Variants in MAEL observed in about 807,000 individuals in gnomAD.
MAEL encodes protein maelstrom homolog.
MAEL carries 46 observed loss-of-function variants against 62.0 expected under a neutral mutation model. That is an observed-to-expected ratio of 0.74 (90% CI 0.59 to 0.95). The LOEUF (loss-of-function observed/expected upper bound fraction) is 0.95, where lower values mean the gene tolerates loss of function less well. Ranked by LOEUF, MAEL falls within the 40% of genes least tolerant of loss-of-function variation. The probability of loss-of-function intolerance (pLI) is 0.00; values close to 1 mark genes in which losing one functional copy is unlikely to be tolerated. For missense variants in MAEL, 497 were observed against 526.8 expected, an observed-to-expected ratio of 0.94 and a Z score of 0.55; for synonymous variants, 172 against 175.5, an observed-to-expected ratio of 0.98 and a Z score of 0.16.
intron 9 of MAEL, 102 bp from the exon 10 acceptor site, chr1:167,017,725 C>T: frequency 1.9e-6 from 2 of 1,077,054 alleles, no homozygotes; most frequent in Admixed American, 2.6e-5. Flanking sequence ...CAGTTTATAA[C>T]AGTACCTCAG....
upstream of MAEL, among the ~76,000 whole-genome samples, chr1:166,988,348 TAAAAA>T (rs71073633): frequency 4.0e-4 from 37 of 93,072 alleles, no homozygotes; most frequent in African/African-American, 1.1e-3. Context: ...AGACCCTGTC[TAAAAA>T]AAAAAAAAAA....
chr1:166,992,880 T>C, intron 4 of MAEL, 39 bp downstream of exon 4: 1 of 1,496,582 alleles, frequency 6.7e-7, no homozygotes. Flanking sequence ...TAAACGTGTA[T>C]GGTTTTTTTT....
intron 8 of MAEL, among the ~76,000 whole-genome samples, chr1:167,006,968 G>A (rs1213368051): frequency 1.3e-5 from 2 of 151,842 alleles, no homozygotes; most frequent in African/African-American, 2.4e-5. Context: ...ATTTTGTGGG[G>A]AAATACTTTC....
At chr1:166,989,158 G>A (rs995103778), upstream of MAEL, 2 of 754,892 alleles carry the variant, frequency 2.6e-6, no homozygotes, top group African/African-American at 3.5e-5. Context: ...CACCCGCAAG[G>A]CGGCACGAGC....
Position 167,007,131 on chromosome 1 carries a change from TA to T in MAEL, c.845+1747del, listed in dbSNP as rs554696348. On this transcript the variant is annotated intron_variant, in intron 8 of 11. Transcript: ENST00000367872. ...GCATTTATTGGTTGGCATTCCACTGTAAAAAAAAAAAAAGTTTCTCCTTTTT... is the reference window on the plus strand; with the variant it reads ...GCATTTATTGGTTGGCATTCCACTGTAAAAAAAAAAAAGTTTCTCCTTTTT... Among the ~76,000 whole-genome samples, 578 of 143,486 alleles carry T rather than the reference TA, an allele frequency of 4.0e-3. 2 individuals are homozygous for T. The highest frequency in any genetic ancestry group is 9.6e-3 in the African/African-American group (378 of 39,366). The allele number at this position is 143,486 out of a possible 152,430, so 94.1% of individuals were successfully genotyped here.
In MAEL at chr1:166,989,725, A is replaced by G; in HGVS notation, c.133-12A>G. 6.2e-7 allele frequency: 1 copy of G among 1,612,078 alleles called. No individual in the cohort carries two copies. The highest frequency in any genetic ancestry group is 1.1e-5 in the South Asian group (1 of 90,566). On this transcript the variant is annotated splice_polypyrimidine_tract_variant and intron_variant, in intron 1 of 11. Coordinates refer to ENST00000367872, the MANE Select transcript of MAEL (RefSeq NM_032858.3). Reference sequence around the variant, plus strand: ...GGCTGTTTCTCTTCTTTGCTCCTTCAATCCCCAAAAGCTTCTGAGGGAGGA... The same window carrying G: ...GGCTGTTTCTCTTCTTTGCTCCTTCGATCCCCAAAAGCTTCTGAGGGAGGA...
chr1:167,007,405 G>A (rs1181047042), intron 8 of MAEL, among the ~76,000 whole-genome samples: 1 of 152,016 alleles, frequency 6.6e-6, no homozygotes. Context: ...CTTTGTTCCA[G>A]CCCTGGATTA....
upstream of MAEL, among the ~76,000 whole-genome samples, chr1:166,985,728 A>G (rs1245998032): frequency 6.6e-6 from 1 of 152,232 alleles, no homozygotes; most frequent in Non-Finnish European, 1.5e-5. Flanking sequence ...AGAAATATGC[A>G]GCATTAAACA....
At chr1:167,013,916 T>TG in intron 8 of MAEL, among the ~76,000 whole-genome samples, 2 of 152,260 alleles carry the variant, frequency 1.3e-5, no homozygotes, top group Middle Eastern at 3.4e-3. Flanking sequence ...CTTTTTTTCA[T>TG]GGGGGTTCTG....
At chr1:167,015,399 C>T (rs1312697232) in intron 8 of MAEL, among the ~76,000 whole-genome samples, 1 of 152,046 alleles carries the variant, frequency 6.6e-6, no homozygotes, top group African/African-American at 2.4e-5. Context: ...TAACTTTCAT[C>T]CAGTGCAAAT....
At chr1:167,007,557 TTGTG>T (rs71073634) in intron 8 of MAEL, among the ~76,000 whole-genome samples, 4,759 of 128,272 alleles carry the variant, frequency 0.037, 119 homozygotes, top group East Asian at 0.14. Flanking sequence ...AAATATATGT[TTGTG>T]TGTGTGTGTG....
chr1:167,017,833 C>A lies in MAEL; in HGVS notation c.915C>A (p.Cys305Ter). 6.2e-7 allele frequency: 1 copy of A among 1,610,200 alleles called. No homozygotes were observed. Among genetic ancestry groups the A allele is most frequent in the Non-Finnish European group, 8.5e-7 (1 of 1,177,736 alleles). ...ALAVCKKIAY[C>*]ISNSLATLFG... is the part of the protein sequence containing the mutation. Reference sequence around the variant, plus strand: ...ATTTTTATTTCTTTTAAAGGTACTGCATCAGTAATTCTCTGGCCACTCTCT... The same window carrying A: ...ATTTTTATTTCTTTTAAAGGTACTGAATCAGTAATTCTCTGGCCACTCTCT... The change falls in exon 10 of 12, where the codon TGC becomes TGA. Residue 305 changes from cysteine to a stop codon, truncating the protein, a stop_gained. Coordinates refer to ENST00000367872, the MANE Select transcript of MAEL (RefSeq NM_032858.3). LOFTEE classifies it high-confidence loss of function.
intron 8 of MAEL, among the ~76,000 whole-genome samples, chr1:167,010,605 G>A (rs976888807): frequency 5.9e-5 from 9 of 151,932 alleles, no homozygotes; most frequent in East Asian, 1.9e-4. Flanking sequence ...GCCACCATGC[G>A]TACCTAGTTA....
chr1:166,982,145 G>A (rs1663776779), intron 1 of MAEL, among the ~76,000 whole-genome samples: 1 of 152,208 alleles, frequency 6.6e-6, no homozygotes, highest in Admixed American at 6.5e-5. Context: ...CCAGACATCA[G>A]GTTGAGTTAC....
upstream of MAEL, among the ~76,000 whole-genome samples, chr1:166,987,126 C>A (rs893152779): frequency 6.6e-6 from 1 of 152,064 alleles, no homozygotes; most frequent in African/African-American, 2.4e-5. Flanking sequence ...GCCACCAACA[C>A]CACAATTAAG....
intron 10 of MAEL, 139 bp downstream of exon 10, chr1:167,018,098 T>A: frequency 1.5e-6 from 1 of 689,470 alleles, no homozygotes; most frequent in Non-Finnish European, 2.2e-6. Context: ...CTTCATGGAA[T>A]GTCAAACAGT....
chr1:167,003,519 G>A (rs571573949), intron 5 of MAEL, among the ~76,000 whole-genome samples: 4 of 152,174 alleles, frequency 2.6e-5, no homozygotes, highest in African/African-American at 9.6e-5. Context: ...GATACCTGGG[G>A]GCCTAGAAGG....
At chr1:166,982,867 C>T (rs895007165) in intron 1 of MAEL, among the ~76,000 whole-genome samples, 1 of 152,188 alleles carries the variant, frequency 6.6e-6, no homozygotes, top group Non-Finnish European at 1.5e-5. Flanking sequence ...TATGCTCCCA[C>T]CTCAGAGCTT....
At chr1:167,014,557 A>C (rs1312148506) in intron 8 of MAEL, among the ~76,000 whole-genome samples, 1 of 152,212 alleles carries the variant, frequency 6.6e-6, no homozygotes, top group East Asian at 1.9e-4. Flanking sequence ...GTTATGAAAA[A>C]TCATATGCAG....
Sources: gnomAD v4.1 joint callset for allele counts (sites outside exome capture counted in the v4.1 genomes callset) on GRCh38, gnomAD v4.1.1 for gene constraint, MANE v1.5 for transcripts, NCBI Gene and HGNC (gene_info 2026-07-23, HGNC 2026-07-21) for gene names.